The following TAF3 variants were observed in gnomAD, a reference collection of about 807,000 sequenced individuals.
The protein encoded by TAF3 is transcription initiation factor TFIID subunit 3.
TAF3 carries 7 observed loss-of-function variants against 80.6 expected under a neutral mutation model. That is an observed-to-expected ratio of 0.09 (90% CI 0.05 to 0.16). The LOEUF is 0.16. Ranked by LOEUF, TAF3 falls within the 10% of genes least tolerant of loss-of-function variation. The pLI is 1.00. For synonymous variants in TAF3, 444 were observed against 446.1 expected (o/e 1.00, Z 0.06); for missense variants, 921 against 1,140.2 (o/e 0.81, Z 2.77).
At chr10:7,846,612 TA>T (rs989531620) in intron 2 of TAF3, among the ~76,000 whole-genome samples, 43 of 114,620 alleles carry the variant, frequency 3.8e-4, no homozygotes, top group African/African-American at 1.4e-3. Context: ...TCCTAGAGGC[TA>T]ACAAAAAAGG....
intron 2 of TAF3, among the ~76,000 whole-genome samples, chr10:7,877,958 C>T (rs769273907): frequency 6.6e-6 from 1 of 152,200 alleles, no homozygotes; most frequent in Admixed American, 6.5e-5. Flanking sequence ...TTTCTGTCAC[C>T]TTACCTGTCA....
At chr10:7,993,549 C>A (rs1159577800) in intron 4 of TAF3, among the ~76,000 whole-genome samples, 3 of 152,154 alleles carry the variant, frequency 2.0e-5, no homozygotes, top group Admixed American at 6.5e-5. Context: ...ATCTCACTTT[C>A]TGGATTTGTC....
intron 2 of TAF3, among the ~76,000 whole-genome samples, chr10:7,848,630 A>G (rs1836996569): frequency 6.6e-6 from 1 of 152,190 alleles, no homozygotes; most frequent in Admixed American, 6.5e-5. Context: ...TTGCATTTAA[A>G]GGATTTCTTA....
intron 2 of TAF3, among the ~76,000 whole-genome samples, chr10:7,949,043 C>T (rs1432478006): frequency 3.3e-5 from 5 of 152,238 alleles, no homozygotes; most frequent in Non-Finnish European, 7.3e-5. Context: ...TGCTGACAGC[C>T]GCTCTCGGGT....
chr10:7,945,995 A>C (rs1266317569), intron 2 of TAF3, among the ~76,000 whole-genome samples: 2 of 152,194 alleles, frequency 1.3e-5, no homozygotes, highest in East Asian at 3.8e-4. Context: ...TGGATGGATG[A>C]GATTGCCTTG....
At chr10:7,873,977 C>T (rs1837292299) in intron 2 of TAF3, among the ~76,000 whole-genome samples, 1 of 152,114 alleles carries the variant, frequency 6.6e-6, no homozygotes. Context: ...AGGTTTTAGT[C>T]TGGGCTATTT....
chr10:7,900,459 G>T (rs10795571), intron 2 of TAF3, among the ~76,000 whole-genome samples: 3 of 151,946 alleles, frequency 2.0e-5, no homozygotes, highest in Admixed American at 6.5e-5. Flanking sequence ...GCTACTCCTC[G>T]GTGGATGGCT....
chr10:8,006,183 C>T (rs1169424861), intron 4 of TAF3, among the ~76,000 whole-genome samples: 7 of 34,674 alleles, frequency 2.0e-4, no homozygotes, highest in African/African-American at 5.1e-4. Context: ...AAAAAATACA[C>T]ACACACACAC....
intron 4 of TAF3, among the ~76,000 whole-genome samples, chr10:7,995,962 T>C (rs950439751): frequency 6.6e-6 from 1 of 152,204 alleles, no homozygotes; most frequent in African/African-American, 2.4e-5. Context: ...AATATGGAAA[T>C]GACTGTGTTA....
At chr10:7,882,392 C>A (rs1337479585) in intron 2 of TAF3, among the ~76,000 whole-genome samples, 1 of 152,070 alleles carries the variant, frequency 6.6e-6, no homozygotes, top group Non-Finnish European at 1.5e-5. Flanking sequence ...CCATCTACCT[C>A]ATTTTATAAC....
At chr10:7,880,652 A>G (rs1476634417) in intron 2 of TAF3, among the ~76,000 whole-genome samples, 2 of 152,180 alleles carry the variant, frequency 1.3e-5, no homozygotes, top group East Asian at 3.8e-4. Context: ...AAGCTACTCT[A>G]CACAGTACAT....
At chr10:7,975,659 A>ATGTCTAC (rs2131419069) in intron 3 of TAF3, among the ~76,000 whole-genome samples, 1 of 152,300 alleles carries the variant, frequency 6.6e-6, no homozygotes, top group South Asian at 2.1e-4. Context: ...TGCAGGCATC[A>ATGTCTAC]TGCAAGGGAG....
intron 4 of TAF3, among the ~76,000 whole-genome samples, chr10:7,999,435 AAAAG>A (rs1269950316): frequency 4.3e-4 from 63 of 147,724 alleles, no homozygotes; most frequent in South Asian, 8.7e-4. Context: ...TTAAAAAAAA[AAAAG>A]AAAGAAAGAA....
At chr10:7,831,502 C>T (rs1035911978) in intron 2 of TAF3, among the ~76,000 whole-genome samples, 110 of 152,240 alleles carry the variant, frequency 7.2e-4, no homozygotes, top group African/African-American at 2.1e-3. Context: ...TGTGCCACCA[C>T]GCCCGGCTAA....
intron 2 of TAF3, among the ~76,000 whole-genome samples, chr10:7,921,441 G>A (rs751965803): frequency 1.3e-4 from 19 of 151,932 alleles, no homozygotes; most frequent in African/African-American, 4.1e-4. Flanking sequence ...CCCCTCCCCC[G>A]TTTAAACTTT....
At chr10:7,961,511 C>T (rs562707953) in intron 2 of TAF3, among the ~76,000 whole-genome samples, 1 of 152,334 alleles carries the variant, frequency 6.6e-6, no homozygotes, top group East Asian at 1.9e-4. Flanking sequence ...TCTTTGACAT[C>T]TGACCCTCCA....
chr10:7,859,275 T>TA (rs1386566848), intron 2 of TAF3, among the ~76,000 whole-genome samples: 1 of 88,260 alleles, frequency 1.1e-5, no homozygotes, highest in Non-Finnish European at 2.2e-5. Context: ...AATAAATAAA[T>TA]AAATAAATAA....
chr10:7,991,701 T>A (rs568542599), intron 4 of TAF3, among the ~76,000 whole-genome samples: 8 of 152,312 alleles, frequency 5.3e-5, no homozygotes, highest in African/African-American at 1.9e-4. Flanking sequence ...TCTAAATAAG[T>A]ATATATACAC....
At chr10:7,961,025 C>T (rs957196120) in intron 2 of TAF3, among the ~76,000 whole-genome samples, 2 of 152,118 alleles carry the variant, frequency 1.3e-5, no homozygotes, top group Non-Finnish European at 2.9e-5. Flanking sequence ...CTCAGATTTG[C>T]GTGTTCGGAA....
Sources: allele counts gnomAD v4.1 joint callset (sites outside exome capture counted in the v4.1 genomes callset), GRCh38; gene constraint gnomAD v4.1.1; transcripts MANE v1.5; gene names NCBI Gene and HGNC (gene_info 2026-07-23, HGNC 2026-07-21).